The following WDR89 variants were observed in gnomAD, a reference collection of about 807,000 sequenced individuals.
The protein encoded by WDR89 is WD repeat-containing protein 89.
Under a neutral mutation model 29.1 loss-of-function variants are expected in WDR89, and 17 were observed. The ratio of observed to expected loss-of-function variants is 0.58; its 90% CI spans 0.40 to 0.88. The LOEUF (loss-of-function observed/expected upper bound fraction) is 0.88. Among genes scored for constraint, WDR89 ranks in the 40% least tolerant of loss-of-function variants. The pLI is 0.00. For missense variants in WDR89, 396 were observed against 456.3 expected, an observed-to-expected ratio of 0.87 and a Z score of 1.20; for synonymous variants, 138 against 157.8, an observed-to-expected ratio of 0.87 and a Z score of 0.94.
At chr14:63,625,508 C>T (rs961374621) in intron 1 of WDR89, among the ~76,000 whole-genome samples, 1 of 152,166 alleles carries the variant, frequency 6.6e-6, no homozygotes, top group African/African-American at 2.4e-5. Context: ...CTTTAACAAA[C>T]CTGATCTCCC....
chr14:63,623,197 C>CAAAAAAA (rs35075730), intron 2 of WDR89, among the ~76,000 whole-genome samples: 1 of 71,744 alleles, frequency 1.4e-5, no homozygotes, highest in African/African-American at 4.2e-5. Context: ...AACCAGGTCT[C>CAAAAAAA]AAAAAAAAAA....
intron 2 of WDR89, among the ~76,000 whole-genome samples, chr14:63,600,648 C>T (rs1895015766): frequency 7.5e-6 from 1 of 134,228 alleles, no homozygotes; most frequent in Non-Finnish European, 1.5e-5. Context: ...AGGATCTCCA[C>T]TTTGGAATAA....
intron 1 of WDR89, among the ~76,000 whole-genome samples, chr14:63,639,505 A>T (rs1042737996): frequency 3.9e-5 from 6 of 152,194 alleles, no homozygotes; most frequent in Non-Finnish European, 8.8e-5. Context: ...GAAGTCACTA[A>T]ATCTGTTGTA....
At chr14:63,617,671 G>A (rs8022456) in intron 2 of WDR89, among the ~76,000 whole-genome samples, 8,051 of 152,040 alleles carry the variant, frequency 0.053, 298 homozygotes, top group African/African-American at 0.11. Flanking sequence ...TTTTAGTCGA[G>A]ACGAGGTTTC....
chr14:63,610,706 T>C (rs915956246), intron 2 of WDR89, among the ~76,000 whole-genome samples: 6 of 148,022 alleles, frequency 4.1e-5, no homozygotes, highest in African/African-American at 1.2e-4. Context: ...TCTTTTCTTT[T>C]TTTTTTTTTT....
chr14:63,640,581 C>T (rs1010364000), intron 1 of WDR89, among the ~76,000 whole-genome samples: 1 of 151,502 alleles, frequency 6.6e-6, no homozygotes, highest in Non-Finnish European at 1.5e-5. Flanking sequence ...CTCTGCCTCC[C>T]GGGTTCAAGC....
chr14:63,638,298 G>C (rs1883878654), intron 1 of WDR89, among the ~76,000 whole-genome samples: 1 of 152,144 alleles, frequency 6.6e-6, no homozygotes, highest in African/African-American at 2.4e-5. Context: ...AAAATTACAA[G>C]AAGCTACATT....
chr14:63,634,534 AG>A (rs1169145103), intron 1 of WDR89, among the ~76,000 whole-genome samples: 20 of 149,822 alleles, frequency 1.3e-4, no homozygotes, highest in Admixed American at 4.0e-4. Flanking sequence ...AAAAAAAAAA[AG>A]AGAAGTGAAG....
chr14:63,599,023 A>G lies in WDR89; in HGVS notation c.920T>C (p.Met307Thr). The G allele has an allele frequency of 6.2e-7, 1 of 1,614,258 alleles. No homozygotes were observed. The highest frequency in any genetic ancestry group is 1.1e-5 in the South Asian group (1 of 91,088). Residue 307 changes from methionine (M) to threonine (T), a missense_variant, in exon 3 of 3, where the codon ATG (methionine) becomes ACG (threonine). Physicochemically the swap from Met to Thr is moderately conservative, Grantham distance 81. Coordinates refer to ENST00000620954, the MANE Select transcript of WDR89 (RefSeq NM_080666.4). ...KGRIHLMNCS[M>T]SGLTHVTSLQ... ...GCTAGTCACATGGGTCAGTCCTGAC[A>G]TGCTGCAGTTCATCAAATGAATCCT...
intron 2 of WDR89, among the ~76,000 whole-genome samples, chr14:63,605,732 T>C (rs2139501016): frequency 6.6e-6 from 1 of 152,304 alleles, no homozygotes; most frequent in Non-Finnish European, 1.5e-5. Context: ...AGTGCTGGGA[T>C]TACAGGCATG....
At chr14:63,627,393 G>A (rs1390915870) in intron 1 of WDR89, among the ~76,000 whole-genome samples, 1 of 152,100 alleles carries the variant, frequency 6.6e-6, no homozygotes, top group South Asian at 2.1e-4. Context: ...TCAAATTAGA[G>A]TATTGCCACA....
At chr14:63,601,018 T>C (rs543649520) in intron 2 of WDR89, among the ~76,000 whole-genome samples, 1 of 152,080 alleles carries the variant, frequency 6.6e-6, no homozygotes, top group African/African-American at 2.4e-5. Context: ...AGAGATACAA[T>C]GTTGCTGGTT....
At chr14:63,612,789 C>T (rs1882073092) in intron 2 of WDR89, among the ~76,000 whole-genome samples, 1 of 152,122 alleles carries the variant, frequency 6.6e-6, no homozygotes, top group African/African-American at 2.4e-5. Flanking sequence ...GTAAGTACTC[C>T]TACTTACTAC....
intron 1 of WDR89, among the ~76,000 whole-genome samples, chr14:63,634,640 C>G (rs984528936): frequency 6.6e-6 from 1 of 152,210 alleles, no homozygotes; most frequent in East Asian, 1.9e-4. Context: ...GAGGCTGAGG[C>G]AGGCAGATCA....
At chr14:63,608,279 T>C (rs961476554) in intron 2 of WDR89, among the ~76,000 whole-genome samples, 1 of 152,014 alleles carries the variant, frequency 6.6e-6, no homozygotes, top group Non-Finnish European at 1.5e-5. Flanking sequence ...GCATGGTGAC[T>C]TACACCTGTA....
chr14:63,600,665 C>T (rs1361843213), intron 2 of WDR89, among the ~76,000 whole-genome samples: 1 of 138,264 alleles, frequency 7.2e-6, no homozygotes, highest in African/African-American at 2.8e-5. Flanking sequence ...ATAATCTTCT[C>T]CTGGCCCCAG....
chr14:63,606,959 T>C (rs1371175615), intron 2 of WDR89, among the ~76,000 whole-genome samples: 2 of 152,182 alleles, frequency 1.3e-5, no homozygotes, highest in East Asian at 3.8e-4. Context: ...AAGCTATTGA[T>C]CTTCTATGTA....
intron 1 of WDR89, among the ~76,000 whole-genome samples, chr14:63,636,774 G>A (rs1415502172): frequency 1.3e-5 from 2 of 152,188 alleles, no homozygotes; most frequent in East Asian, 3.8e-4. Context: ...ACTCAAGATG[G>A]ATTAAGGACT....
chr14:63,615,606 A>G (rs544207034), intron 2 of WDR89, among the ~76,000 whole-genome samples: 76 of 152,206 alleles, frequency 5.0e-4, no homozygotes, highest in Non-Finnish European at 9.6e-4. Context: ...AATCTGCTCT[A>G]AAGTTCTTAA....
Sources: allele counts gnomAD v4.1 joint callset (sites outside exome capture counted in the v4.1 genomes callset), GRCh38; gene constraint gnomAD v4.1.1; transcripts MANE v1.5; gene names NCBI Gene and HGNC (gene_info 2026-07-23, HGNC 2026-07-21).